The following DDX49 variants were observed in gnomAD, a reference collection of about 807,000 sequenced individuals.
The protein encoded by DDX49 is DEAD-box helicase 49.
A neutral mutation model predicts 56.3 loss-of-function variants in DDX49; 50 were observed. That is an observed-to-expected ratio of 0.89 (90% confidence interval 0.71 to 1.12). DDX49 has a LOEUF of 1.12. Ranked by LOEUF, DDX49 falls within the 50% of genes most tolerant of loss-of-function variation. The pLI, the probability that DDX49 is intolerant of heterozygous loss-of-function variation, is 0.00. For missense variants in DDX49, 614 were observed against 650.5 expected (o/e 0.94, Z 0.61); for synonymous variants, 269 against 270.6 (o/e 0.99, Z 0.06).
In DDX49 at chr19:18,922,397, G is replaced by A. The variant is rs755600076; in HGVS notation, c.519G>A (p.Leu173=). 1.2e-6 allele frequency: 2 copies of A among 1,611,280 alleles called. No homozygotes were observed. The highest frequency in any genetic ancestry group is 2.2e-5 in the East Asian group (1 of 44,842). The change falls in exon 5 of 13, where the codon CTG becomes CTA. Residue 173 remains leucine (L), a synonymous_variant. Transcript: ENST00000247003. The part of the protein sequence containing the change: ...TDFTVDLEAI[L]AAVPARRQTL... ...TCACCGTGGACCTGGAGGCCATCCT[G>A]GCGGCTGTGCCGGCCCGCAGGCAGA...
intron 10 of DDX49, among the ~76,000 whole-genome samples, chr19:18,927,106 G>T (rs2056967525): frequency 6.8e-6 from 1 of 146,992 alleles, no homozygotes. Context: ...GAAACATCTG[G>T]ACTTTAAGGC....
chr19:18,928,186 G>A lies in DDX49; in HGVS notation c.1322G>A (p.Arg441Gln), dbSNP rs1252085064. The change falls in exon 13 of 13, where the codon CGG (arginine) becomes CAG (glutamine). Residue 441 changes from arginine (R) to glutamine (Q), a missense_variant. Transcript: ENST00000247003. ...CTGGCCAAGATCAAGCAGAAGAACC[G>A]GCGCTTCAAGGAGAAGGTGGAGGAG... ...AELAKIKQKNRRFKEKVEETL... is the reference protein window; with the variant it reads ...AELAKIKQKNQRFKEKVEETL... 6.3e-6 allele frequency: 10 copies of A among 1,584,944 alleles called. No homozygotes were observed. Among genetic ancestry groups the A allele is most frequent in the East Asian group, 4.6e-5 (2 of 43,314 alleles).
At chr19:18,921,998 C>CT (rs761932322) in intron 4 of DDX49, 34 bp downstream of exon 4, 3 of 1,581,802 alleles carry the variant, frequency 1.9e-6, no homozygotes, top group African/African-American at 1.3e-5. Context: ...ACCTCAGGAG[C>CT]TGGGCTCGGA....
At chr19:18,926,487 GAGC>G (rs1190813786) in intron 10 of DDX49, 110 bp downstream of exon 10, 11 of 1,202,100 alleles carry the variant, frequency 9.2e-6, no homozygotes, top group Non-Finnish European at 1.3e-5. Flanking sequence ...CTGCTCCCGT[GAGC>G]AGATTTAGGC....
At chr19:18,926,437 C>T in intron 10 of DDX49, 60 bp downstream of exon 10, 2 of 1,238,328 alleles carry the variant, frequency 1.6e-6, no homozygotes, top group South Asian at 2.6e-5. Context: ...AGGTGGGCAC[C>T]TCGGGGTGAG....
chr19:18,926,324 C>G lies in DDX49; in HGVS notation c.1049C>G (p.Thr350Arg). 1 of 1,534,544 alleles carries G rather than the reference C, an allele frequency of 6.5e-7. No individual in the cohort carries two copies. The highest frequency in any genetic ancestry group is 8.8e-7 in the Non-Finnish European group (1 of 1,134,980). The change falls in exon 10 of 13, where the codon ACG becomes AGG. Residue 350 changes from threonine (T) to arginine (R), a missense_variant. Thr to Arg is a moderately conservative substitution (Grantham distance 71, BLOSUM62 -1). Transcript: ENST00000247003. ...ARAGRQGQAITLVTQYDIHLV... is the reference protein window; with the variant it reads ...ARAGRQGQAIRLVTQYDIHLV... ...ACAGGGCGGCAGGGTCAGGCCATCA[C>G]GCTGGTGACACAGTACGACATCCAC...
At chr19:18,920,531 C>A (rs375276251) in intron 1 of DDX49, 49 bp from the exon 2 acceptor site, 1 of 1,549,344 alleles carries the variant, frequency 6.5e-7, no homozygotes, top group South Asian at 1.2e-5. Flanking sequence ...CTCTGAAACC[C>A]AGCTGTCCAC....
intron 9 of DDX49, among the ~76,000 whole-genome samples, chr19:18,925,915 C>T (rs900923097): frequency 1.3e-5 from 2 of 152,214 alleles, no homozygotes; most frequent in Admixed American, 6.5e-5. Context: ...ATGAGGGTCA[C>T]GGACCTTGTC....
intron 2 of DDX49, 103 bp downstream of exon 2, chr19:18,920,806 C>A: frequency 7.9e-7 from 1 of 1,270,236 alleles, no homozygotes; most frequent in Non-Finnish European, 1.1e-6. Flanking sequence ...GTGAGATGAG[C>A]ATGAAAATCT....
At position 18,921,682 on chromosome 19, in the gene DDX49, G is replaced by T. The variant is rs546737559; in HGVS notation, c.259G>T (p.Ala87Ser). 54 of 1,614,124 alleles carry T rather than the reference G, an allele frequency of 3.3e-5. No individual in the cohort carries two copies. In the Admixed American group the frequency reaches 9.0e-4, roughly 27 times the overall value. ...TPTRELAYQIAEQFRVLGKPL... is the reference protein window; with the variant it reads ...TPTRELAYQISEQFRVLGKPL... ...CCACAGGGAGCTGGCCTACCAGATC[G>T]CAGAGCAGTTCCGGGTCCTGGGGAA... Residue 87 changes from alanine (A) to serine (S), a missense_variant, in exon 3 of 13, where the codon GCA (alanine) becomes TCA (serine). Transcript: ENST00000247003.
At chr19:18,925,745 A>G (rs2056955983) in intron 9 of DDX49, among the ~76,000 whole-genome samples, 1 of 152,138 alleles carries the variant, frequency 6.6e-6, no homozygotes, top group South Asian at 2.1e-4. Context: ...CATGGTGTCC[A>G]TGAGATGCTG....
chr19:18,923,010 G>T (rs2056932091), intron 6 of DDX49, among the ~76,000 whole-genome samples: 1 of 152,232 alleles, frequency 6.6e-6, no homozygotes, highest in Admixed American at 6.5e-5. Flanking sequence ...TTCTGGGGGT[G>T]TCACTGAGCT....
At chr19:18,922,298 C>G in intron 4 of DDX49, 28 bp from the exon 5 acceptor site, 1 of 1,600,534 alleles carries the variant, frequency 6.2e-7, no homozygotes, top group Non-Finnish European at 8.5e-7. Context: ...GGACGGCACC[C>G]TCACCCCTGC....
intron 6 of DDX49, 65 bp downstream of exon 6, chr19:18,922,809 G>GT: frequency 6.4e-7 from 1 of 1,570,338 alleles, no homozygotes; most frequent in South Asian, 1.1e-5. Context: ...GACGTCTTTG[G>GT]TCTGGGACAC....
Position 18,928,385 on chromosome 19 carries a change from G to C in DDX49, c.*69G>C. Reference sequence around the variant, plus strand: ...CTGAGGGTCGGAGGAACCTTCCTTGGGGGCAGCAGCCCTTCCCGGGGGCCT... The same window carrying C: ...CTGAGGGTCGGAGGAACCTTCCTTGCGGGCAGCAGCCCTTCCCGGGGGCCT... On this transcript the variant is annotated 3_prime_UTR_variant, in exon 13 of 13. Transcript: ENST00000247003. 2.8e-6 allele frequency: 4 copies of C among 1,417,356 alleles called. No individual in the cohort carries two copies. Among genetic ancestry groups the C allele is most frequent in the Non-Finnish European group, 3.7e-6 (4 of 1,077,966 alleles). 87.8% of individuals were successfully genotyped at this position (1,417,356 alleles called of 1,614,324 possible). A position where few individuals can be genotyped will look rare whatever the true frequency, so the allele number is the denominator to read the frequency against.
At position 18,921,753 on chromosome 19, in the gene DDX49, G is replaced by A. The variant is rs765429703; in HGVS notation, c.325+5G>A. On this transcript the variant is annotated splice_donor_5th_base_variant and intron_variant, in intron 3 of 12. Coordinates refer to ENST00000247003, the MANE Select transcript of DDX49 (RefSeq NM_019070.5). ...GCATCATCGTCGGTGGCATGGGTAC[G>A]GGAGCTGGGAGGCGGGGGAAGCCCC... is the stretch of plus-strand genomic sequence containing the variant. 8 of 1,613,974 alleles carry A rather than the reference G, an allele frequency of 5.0e-6. No homozygotes were observed. The highest frequency in any genetic ancestry group is 1.6e-4 in the Middle Eastern group (1 of 6,084).
chr19:18,925,143 C>T (rs2056950740), intron 9 of DDX49, 164 bp downstream of exon 9: 2 of 1,037,414 alleles, frequency 1.9e-6, no homozygotes, highest in South Asian at 1.7e-5. Context: ...AGGTGAATCC[C>T]AGCTACTCGG....
At chr19:18,924,414 G>A in intron 7 of DDX49, 106 bp downstream of exon 7, 11 of 1,177,758 alleles carry the variant, frequency 9.3e-6, no homozygotes, top group Admixed American at 3.9e-5. Flanking sequence ...CTGCCACCTG[G>A]TCTCTTCTGG....
In DDX49 at chr19:18,927,742, CCCCCGG is replaced by C; in HGVS notation, c.1103-22_1103-17del. 1 of 1,599,974 alleles carries C rather than the reference CCCCCGG, an allele frequency of 6.3e-7. No individual in the cohort carries two copies. Among genetic ancestry groups the C allele is most frequent in the Non-Finnish European group, 8.6e-7 (1 of 1,167,852 alleles). On this transcript the variant is annotated intron_variant, in intron 10 of 12. Coordinates refer to ENST00000247003, the MANE Select transcript of DDX49 (RefSeq NM_019070.5). ...ATGTCACGTCTCCTCCCCACCCCCA[CCCCCGG>C]CTTTGCTGTCCCCACAGAGAAGAAG... is the stretch of plus-strand genomic sequence containing the variant.
Sources: allele counts gnomAD v4.1 joint callset (sites outside exome capture counted in the v4.1 genomes callset), GRCh38; gene constraint gnomAD v4.1.1; transcripts MANE v1.5; gene names NCBI Gene and HGNC (gene_info 2026-07-23, HGNC 2026-07-21).